SLC7A8: variants seen among roughly 807,000 people sequenced by gnomAD.
SLC7A8 encodes the protein large neutral amino acids transporter small subunit 2.
Under a neutral mutation model 51.2 loss-of-function variants are expected in SLC7A8, and 30 were observed. The ratio of observed to expected loss-of-function variants is 0.59; its 90% CI spans 0.44 to 0.80. The LOEUF is 0.80. Among genes scored for constraint, SLC7A8 ranks in the 30% least tolerant of loss-of-function variants. SLC7A8 has a pLI of 0.00. For missense variants in SLC7A8, 612 were observed against 674.4 expected (o/e 0.91, Z 1.03); for synonymous variants, 257 against 275.8 (o/e 0.93, Z 0.67).
Position 23,143,076 on chromosome 14 carries a change from C to CA in SLC7A8, c.634+2dup. 1 of 1,613,974 alleles carries CA rather than the reference C, an allele frequency of 6.2e-7. No individual in the cohort carries two copies. Among genetic ancestry groups the CA allele is most frequent in the Non-Finnish European group, 8.5e-7 (1 of 1,179,896 alleles). ...CAGTACCTGTTTTTCCTGCGATACT[C>CA]ACCTTTGCATATCTGTACAATCCCC... On this transcript the variant is annotated splice_region_variant and intron_variant, in intron 4 of 10. Coordinates refer to ENST00000316902, the MANE Select transcript of SLC7A8 (RefSeq NM_012244.4).
At chr14:23,163,150 C>G (rs550243598) in intron 3 of SLC7A8, among the ~76,000 whole-genome samples, 1 of 152,300 alleles carries the variant, frequency 6.6e-6, no homozygotes, top group South Asian at 2.1e-4. Context: ...GCCCCAGCAT[C>G]TTGCCCACCC....
intron 3 of SLC7A8, among the ~76,000 whole-genome samples, chr14:23,147,801 G>T (rs1309150054): frequency 1.3e-5 from 2 of 152,204 alleles, no homozygotes; most frequent in African/African-American, 2.4e-5. Flanking sequence ...GGTGACAGAA[G>T]AGATACAAAT....
chr14:23,142,034 G>A (rs2048750156), intron 4 of SLC7A8, among the ~76,000 whole-genome samples: 1 of 152,352 alleles, frequency 6.6e-6, no homozygotes, highest in African/African-American at 2.4e-5. Context: ...ATAGCGCAGT[G>A]ATTTCCTTAA....
intron 7 of SLC7A8, among the ~76,000 whole-genome samples, chr14:23,132,068 A>T (rs572629400): frequency 7.0e-6 from 1 of 142,678 alleles, no homozygotes; most frequent in South Asian, 2.2e-4. Flanking sequence ...GCAGTGCTGC[A>T]ATCTCGGCTC....
chr14:23,141,495 G>A (rs1234674040), intron 4 of SLC7A8, among the ~76,000 whole-genome samples: 12 of 152,260 alleles, frequency 7.9e-5, no homozygotes. Flanking sequence ...TGTCGCCCAG[G>A]CTGGAGTGCA....
At chr14:23,145,261 G>A (rs1299457867) in intron 3 of SLC7A8, among the ~76,000 whole-genome samples, 1 of 151,156 alleles carries the variant, frequency 6.6e-6, no homozygotes, top group Non-Finnish European at 1.5e-5. Context: ...GGGCATGGTG[G>A]CTCACGCTTG....
chr14:23,170,442 G>A (rs1491001573), intron 1 of SLC7A8, among the ~76,000 whole-genome samples: 4 of 151,868 alleles, frequency 2.6e-5, no homozygotes, highest in Non-Finnish European at 5.9e-5. Flanking sequence ...CTTCCTTCCT[G>A]TCTCTGTTTC....
At chr14:23,134,867 A>C (rs1219315884) in intron 7 of SLC7A8, among the ~76,000 whole-genome samples, 1 of 152,242 alleles carries the variant, frequency 6.6e-6, no homozygotes, top group Non-Finnish European at 1.5e-5. Flanking sequence ...CATGCTACAC[A>C]ATTATATTAT....
At chr14:23,142,539 C>T (rs546460275) in intron 4 of SLC7A8, among the ~76,000 whole-genome samples, 6 of 152,294 alleles carry the variant, frequency 3.9e-5, no homozygotes, top group South Asian at 2.1e-4. Context: ...CTTGCTCAGT[C>T]GCCCAGGCTG....
intron 3 of SLC7A8, among the ~76,000 whole-genome samples, chr14:23,153,009 G>T (rs2048860928): frequency 6.6e-6 from 1 of 152,186 alleles, no homozygotes; most frequent in Non-Finnish European, 1.5e-5. Context: ...TCAACTCTTG[G>T]CCCTAGAGGT....
At chr14:23,148,317 C>T (rs1317532735) in intron 3 of SLC7A8, among the ~76,000 whole-genome samples, 1 of 152,170 alleles carries the variant, frequency 6.6e-6, no homozygotes. Context: ...CAACCTCTGC[C>T]TCCCATGTTA....
chr14:23,143,040 G>A, intron 4 of SLC7A8, 39 bp downstream of exon 4: 2 of 1,609,698 alleles, frequency 1.2e-6, no homozygotes, highest in Non-Finnish European at 8.5e-7. Context: ...TGCAAGGGGA[G>A]GAAAGCTGGG....
intron 3 of SLC7A8, among the ~76,000 whole-genome samples, chr14:23,154,998 C>CAAAAAAAA (rs33973055): frequency 2.2e-3 from 196 of 89,012 alleles, no homozygotes; most frequent in East Asian, 4.1e-3. Flanking sequence ...ACACAACAGA[C>CAAAAAAAA]AAAAAAAAAA....
At position 23,165,466 on chromosome 14, in the gene SLC7A8, G is replaced by T; in HGVS notation, c.357-30C>A. 1 of 1,568,610 alleles carries T rather than the reference G, an allele frequency of 6.4e-7. No homozygotes were observed. Among genetic ancestry groups the T allele is most frequent in the Non-Finnish European group, 8.6e-7 (1 of 1,163,568 alleles). On this transcript the variant is annotated intron_variant, in intron 2 of 10. Coordinates refer to ENST00000316902, the MANE Select transcript of SLC7A8 (RefSeq NM_012244.4). The surrounding 1 kb of genome is among the most constrained non-coding windows in gnomAD (Gnocchi z 4.2). Reference sequence around the variant, plus strand: ...AGGAGGAAAGGGACATCCGCCGAAAGGCATGGCAGGGACGCAGAGCCATCA... The same window carrying T: ...AGGAGGAAAGGGACATCCGCCGAAATGCATGGCAGGGACGCAGAGCCATCA...
At position 23,140,644 on chromosome 14, in the gene SLC7A8, G is replaced by C; in HGVS notation, c.635-20C>G. The stretch of plus-strand genomic sequence containing the variant: ...ACTCTCCTGTGGACACAAGCAACAG[G>C]AGGCCGCTCAGTGAGACAAGTCAGG... On this transcript the variant is annotated intron_variant, in intron 4 of 10. Transcript: ENST00000316902. The C allele has an allele frequency of 1.3e-6, 2 of 1,599,924 alleles. No individual in the cohort carries two copies. The highest frequency in any genetic ancestry group is 2.2e-5 in the South Asian group (2 of 90,560).
intron 3 of SLC7A8, among the ~76,000 whole-genome samples, chr14:23,162,284 G>C (rs575823682): frequency 1.3e-5 from 2 of 152,174 alleles, no homozygotes; most frequent in Non-Finnish European, 2.9e-5. Flanking sequence ...AGCGGGACAG[G>C]TGTGGAGCTG....
At chr14:23,170,300 C>A (rs1038354819) in intron 1 of SLC7A8, among the ~76,000 whole-genome samples, 1 of 152,192 alleles carries the variant, frequency 6.6e-6, no homozygotes, top group African/African-American at 2.4e-5. Context: ...GGAAACTGCA[C>A]AACAGACACT....
intron 1 of SLC7A8, among the ~76,000 whole-genome samples, chr14:23,175,124 A>G (rs2048993062): frequency 6.6e-6 from 1 of 152,154 alleles, no homozygotes; most frequent in African/African-American, 2.4e-5. Flanking sequence ...CCTCTACCCC[A>G]CTTCAATAAG....
At chr14:23,129,548 T>C in intron 9 of SLC7A8, 102 bp downstream of exon 9, 1 of 1,345,264 alleles carries the variant, frequency 7.4e-7, no homozygotes, top group Non-Finnish European at 1.0e-6. Context: ...TCAGAGATGA[T>C]GACGTGTGGT....
Sources: gnomAD v4.1 joint callset for allele counts (sites outside exome capture counted in the v4.1 genomes callset) on GRCh38, gnomAD v4.1.1 for gene constraint, Gnocchi (gnomAD v3.1) non-coding constraint, MANE v1.5 for transcripts, NCBI Gene and HGNC (gene_info 2026-07-23, HGNC 2026-07-21) for gene names.